GABBR2: variants seen among roughly 807,000 people sequenced by gnomAD.
GABBR2 encodes G-protein coupled receptor 51.
A neutral mutation model predicts 105.6 loss-of-function variants in GABBR2; 23 were observed. The observed-to-expected ratio is 0.22, with a 90% confidence interval of 0.16 to 0.31. GABBR2 has a LOEUF of 0.31. Among genes scored for constraint, GABBR2 ranks in the 10% least tolerant of loss-of-function variants. The pLI, the probability that GABBR2 is intolerant of heterozygous loss-of-function variation, is 1.00. For synonymous variants in GABBR2, 478 were observed against 499.7 expected (o/e 0.96, Z 0.58); for missense variants, 734 against 1,245.5 (o/e 0.59, Z 6.18).
chr9:98,323,182 A>C (rs1830855301), intron 13 of GABBR2, among the ~76,000 whole-genome samples: 1 of 152,114 alleles, frequency 6.6e-6, no homozygotes, highest in Non-Finnish European at 1.5e-5. Flanking sequence ...CTAAACCACT[A>C]ATCTAGATCT....
intron 3 of GABBR2, among the ~76,000 whole-genome samples, chr9:98,525,032 C>A (rs1443965099): frequency 3.3e-5 from 5 of 152,254 alleles, no homozygotes; most frequent in African/African-American, 1.2e-4. Context: ...GATCAAAGAT[C>A]AGGGATTGTA....
At chr9:98,677,232 C>T (rs975413218) in intron 1 of GABBR2, among the ~76,000 whole-genome samples, 18 of 152,224 alleles carry the variant, frequency 1.2e-4, no homozygotes, top group African/African-American at 2.2e-4. Flanking sequence ...GCCACTTGCA[C>T]GCCTCCAGAC....
chr9:98,553,826 G>A (rs1429197975), intron 2 of GABBR2, among the ~76,000 whole-genome samples: 1 of 152,146 alleles, frequency 6.6e-6, no homozygotes, highest in African/African-American at 2.4e-5. Flanking sequence ...TGATCACTCC[G>A]CAAGCAACTG....
At chr9:98,538,586 G>A in intron 3 of GABBR2, 1 of 984,130 alleles carries the variant, frequency 1.0e-6, no homozygotes, top group Non-Finnish European at 1.2e-6. Context: ...GGAGCAGCTG[G>A]TCCCCAGGTG....
intron 1 of GABBR2, among the ~76,000 whole-genome samples, chr9:98,626,304 A>G (rs919469030): frequency 1.3e-5 from 2 of 152,242 alleles, no homozygotes; most frequent in Non-Finnish European, 2.9e-5. Context: ...GGTGATTAAA[A>G]TGTTCTAAAC....
chr9:98,594,765 C>T (rs888836589), intron 1 of GABBR2, among the ~76,000 whole-genome samples: 2 of 152,366 alleles, frequency 1.3e-5, no homozygotes, highest in Non-Finnish European at 2.9e-5. Flanking sequence ...AGCTCACAAG[C>T]CTGGTCCTCC....
chr9:98,698,750 G>A (rs141982795), intron 1 of GABBR2, among the ~76,000 whole-genome samples: 2 of 151,952 alleles, frequency 1.3e-5, no homozygotes, highest in African/African-American at 2.4e-5. Context: ...CACCCGCTTC[G>A]GCCTCCCAAA....
intron 2 of GABBR2, among the ~76,000 whole-genome samples, chr9:98,553,759 G>C (rs751232321): frequency 6.6e-6 from 1 of 152,196 alleles, no homozygotes; most frequent in Non-Finnish European, 1.5e-5. Flanking sequence ...ATGTGATTCT[G>C]ATCTGCATTT....
intron 13 of GABBR2, among the ~76,000 whole-genome samples, chr9:98,357,693 C>A (rs1228547939): frequency 2.0e-5 from 3 of 149,356 alleles, no homozygotes; most frequent in South Asian, 2.1e-4. Flanking sequence ...AAAAAAAAAA[C>A]CCCACATCAT....
At chr9:98,559,225 G>T (rs560441813) in intron 2 of GABBR2, among the ~76,000 whole-genome samples, 2 of 152,306 alleles carry the variant, frequency 1.3e-5, no homozygotes, top group East Asian at 3.9e-4. Flanking sequence ...CACCTCCTGG[G>T]CTTAAGCAAT....
chr9:98,362,772 C>T lies in GABBR2; in HGVS notation c.1836G>A (p.Leu612=), dbSNP rs751465284. 8 of 1,604,642 alleles carry T rather than the reference C, an allele frequency of 5.0e-6. No homozygotes were observed. The African/African-American group carries it at 1.1e-4, about 22-fold the overall frequency. ...GGGGGTCCACAGCCTGCCAGCAGAT[C>T]AGGATACACAGGTCGATCAGCAGCA... The part of the protein sequence containing the change: ...GGMLLIDLCI[L]ICWQAVDPLR... Residue 612 remains leucine (L), a synonymous_variant, in exon 13 of 19, where the codon CTG becomes CTA. Transcript: ENST00000259455.
At chr9:98,491,006 T>A in intron 4 of GABBR2, among the ~76,000 whole-genome samples, 1 of 152,192 alleles carries the variant, frequency 6.6e-6, no homozygotes, top group Non-Finnish European at 1.5e-5. Flanking sequence ...CTTTTTTTTT[T>A]TGCCTGGGTG....
At chr9:98,627,835 A>G (rs1250984876) in intron 1 of GABBR2, among the ~76,000 whole-genome samples, 4 of 152,240 alleles carry the variant, frequency 2.6e-5, no homozygotes, top group East Asian at 1.9e-4. Flanking sequence ...TATTTGACCA[A>G]GGAAAAAACT....
rs992399958 is a variant in GABBR2, at chr9:98,404,529, A to G, written c.1297+1552T>C. ...GGATCTGCTCAAAGTGAGTGGGCAC[A>G]GCAGGCACCACTCTTGTTTCTGGGT... On this transcript the variant is annotated intron_variant, in intron 8 of 18. Coordinates refer to ENST00000259455, the MANE Select transcript of GABBR2 (RefSeq NM_005458.8). Among the ~76,000 whole-genome samples, 5 of 152,196 alleles carry G rather than the reference A, an allele frequency of 3.3e-5. 1 individual carries two copies. Among genetic ancestry groups the G allele is most frequent in the Admixed American group, 3.3e-4 (5 of 15,276 alleles).
At chr9:98,517,655 T>C (rs1021105064) in intron 3 of GABBR2, among the ~76,000 whole-genome samples, 2 of 152,252 alleles carry the variant, frequency 1.3e-5, no homozygotes, top group Admixed American at 6.5e-5. Flanking sequence ...TATCTCATCA[T>C]GTTGGTTATT....
At position 98,306,395 on chromosome 9, in the gene GABBR2, A is replaced by G. The variant is rs755064057; in HGVS notation, c.2005-50T>C. The G allele has an allele frequency of 2.3e-6, 3 of 1,326,550 alleles. No individual in the cohort carries two copies. Among genetic ancestry groups the G allele is most frequent in the Non-Finnish European group, 3.2e-6 (3 of 928,276 alleles). The allele number at this position is 1,326,550 out of a possible 1,614,324, so 82.2% of individuals were successfully genotyped here. ...GAGATGATCGTTACCAAGGGGTGGC[A>G]CACACAGGCTGCTCTGAGAAGCTGT... On this transcript the variant is annotated intron_variant, in intron 14 of 18. Coordinates refer to ENST00000259455, the MANE Select transcript of GABBR2 (RefSeq NM_005458.8). This position sits in a 1 kb window ranked among gnomAD's most constrained non-coding sequence, Gnocchi z 5.4.
intron 7 of GABBR2, among the ~76,000 whole-genome samples, chr9:98,431,427 G>A (rs1223943498): frequency 6.6e-6 from 1 of 151,872 alleles, no homozygotes; most frequent in Non-Finnish European, 1.5e-5. Flanking sequence ...GGCAGTACTT[G>A]GCACATAGTA....
chr9:98,647,469 T>C (rs1453721407), intron 1 of GABBR2, among the ~76,000 whole-genome samples: 2 of 152,212 alleles, frequency 1.3e-5, no homozygotes, highest in Non-Finnish European at 2.9e-5. Flanking sequence ...TGATCTCAGC[T>C]CTACCTCACA....
intron 13 of GABBR2, among the ~76,000 whole-genome samples, chr9:98,344,317 A>G (rs1831267980): frequency 6.6e-6 from 1 of 152,138 alleles, no homozygotes; most frequent in Non-Finnish European, 1.5e-5. Context: ...GTGCTCAAAA[A>G]AGAGAGCTAT....
Sources: gnomAD v4.1 joint callset for allele counts (sites outside exome capture counted in the v4.1 genomes callset) on GRCh38, gnomAD v4.1.1 for gene constraint, Gnocchi (gnomAD v3.1) non-coding constraint, MANE v1.5 for transcripts, NCBI Gene and HGNC (gene_info 2026-07-23, HGNC 2026-07-21) for gene names.